Variants in ARHGEF3 observed in about 807,000 individuals in gnomAD.
ARHGEF3 encodes Rho guanine nucleotide exchange factor 3, also known as 59.8 kDA protein.
In ARHGEF3, 28 loss-of-function variants were observed where a neutral mutation model predicts 63.2. The ratio of observed to expected loss-of-function variants is 0.44; its 90% CI spans 0.33 to 0.61. ARHGEF3 has a LOEUF of 0.61. ARHGEF3 is among the 20% of genes least tolerant of loss of function. The pLI is 0.03. For missense variants in ARHGEF3, 533 were observed against 659.3 expected (o/e 0.81, Z 2.10); for synonymous variants, 266 against 254.2 (o/e 1.05, Z -0.44).
intron 6 of ARHGEF3, 72 bp downstream of exon 6, chr3:56,750,984 G>T (rs2034706508): frequency 9.4e-7 from 1 of 1,066,702 alleles, no homozygotes; most frequent in South Asian, 2.4e-5. Flanking sequence ...AATAAAAAAA[G>T]TCTAGCTAAA....
chr3:56,857,568 G>A (rs902964302), intron 4 of ARHGEF3, among the ~76,000 whole-genome samples: 4 of 152,184 alleles, frequency 2.6e-5, no homozygotes, highest in African/African-American at 9.7e-5. Context: ...CAGTCAATCA[G>A]GGATTGACCT....
chr3:56,846,939 G>T (rs935185308), intron 4 of ARHGEF3, among the ~76,000 whole-genome samples: 28 of 152,162 alleles, frequency 1.8e-4, no homozygotes, highest in African/African-American at 6.0e-4. Context: ...AGTTCTTACA[G>T]GATTTATTTA....
chr3:56,975,785 ACTGAGT>A, intron 2 of ARHGEF3: 2 of 430,150 alleles, frequency 4.6e-6, no homozygotes, highest in South Asian at 3.4e-5. Context: ...CAGAGCCAAT[ACTGAGT>A]TGGTTCTCTT....
intron 4 of ARHGEF3, among the ~76,000 whole-genome samples, chr3:56,851,913 G>A (rs1480332624): frequency 4.6e-5 from 7 of 152,114 alleles, no homozygotes; most frequent in South Asian, 2.1e-4. Context: ...CTGGTCTTAC[G>A]AACTTTACTT....
At chr3:57,014,178 G>A (rs1056827161) in intron 2 of ARHGEF3, among the ~76,000 whole-genome samples, 1 of 152,192 alleles carries the variant, frequency 6.6e-6, no homozygotes, top group African/African-American at 2.4e-5. Flanking sequence ...AAGCCAGCAA[G>A]ACCACGAACC....
intron 2 of ARHGEF3, among the ~76,000 whole-genome samples, chr3:56,987,645 A>G (rs1021037097): frequency 6.6e-6 from 1 of 152,128 alleles, no homozygotes; most frequent in Non-Finnish European, 1.5e-5. Flanking sequence ...GTCAAGCCCA[A>G]TCCTACATAA....
intron 1 of ARHGEF3, among the ~76,000 whole-genome samples, chr3:56,795,006 G>A (rs991549247): frequency 2.0e-5 from 3 of 149,382 alleles, no homozygotes; most frequent in Non-Finnish European, 3.0e-5. Context: ...CTACAGGTGT[G>A]TGTTACCACG....
At position 56,945,000 on chromosome 3, in the gene ARHGEF3, G is replaced by A. The variant is rs78419589; in HGVS notation, c.129+13823C>T. ...ATTGATAAAGCAAGCTGCAGGATCT[G>A]AGAGGAATGACTGCAATTTTGGAAG... is the stretch of plus-strand genomic sequence containing the variant. On this transcript the variant is annotated intron_variant, in intron 3 of 12. Transcript: ENST00000338458. Among the ~76,000 whole-genome samples the A allele has an allele frequency of 5.2e-3, 798 of 152,328 alleles. 7 individuals are homozygous for A. The highest frequency in any genetic ancestry group is 0.019 in the African/African-American group (776 of 41,572).
intron 3 of ARHGEF3, among the ~76,000 whole-genome samples, chr3:56,903,301 C>G (rs186017873): frequency 3.3e-5 from 5 of 152,268 alleles, no homozygotes; most frequent in South Asian, 2.1e-4. Flanking sequence ...GGCTCTCATA[C>G]AAGGCTAGAG....
At chr3:56,842,817 C>G (rs1357895935) in intron 4 of ARHGEF3, among the ~76,000 whole-genome samples, 1 of 152,212 alleles carries the variant, frequency 6.6e-6, no homozygotes, top group African/African-American at 2.4e-5. Context: ...AAAGCCCCAG[C>G]TGACACAGAA....
chr3:56,736,480 T>G (rs1234959685), intron 8 of ARHGEF3, among the ~76,000 whole-genome samples: 2 of 152,240 alleles, frequency 1.3e-5, no homozygotes, highest in Non-Finnish European at 2.9e-5. Flanking sequence ...AATGCCAGTC[T>G]GTGGATGGGT....
intron 1 of ARHGEF3, among the ~76,000 whole-genome samples, chr3:57,071,260 T>C (rs1705885072): frequency 6.6e-6 from 1 of 152,186 alleles, no homozygotes; most frequent in South Asian, 2.1e-4. Flanking sequence ...GATTTCCATA[T>C]GCAAAAAATG....
chr3:56,745,131 C>A, intron 7 of ARHGEF3, 74 bp downstream of exon 7: 1 of 1,532,214 alleles, frequency 6.5e-7, no homozygotes, highest in Non-Finnish European at 8.8e-7. Context: ...CTCTTCCATT[C>A]ACCCACTGAC....
intron 2 of ARHGEF3, among the ~76,000 whole-genome samples, chr3:56,959,687 C>T (rs1313902709): frequency 6.6e-6 from 1 of 152,062 alleles, no homozygotes; most frequent in African/African-American, 2.4e-5. Context: ...ACTGATGTAC[C>T]AAAAGGCTGG....
chr3:56,823,016 A>T (rs2038577276), intron 4 of ARHGEF3, among the ~76,000 whole-genome samples: 3 of 152,126 alleles, frequency 2.0e-5, no homozygotes, highest in Admixed American at 6.5e-5. Flanking sequence ...AAATATTGTA[A>T]ACCATCAGTC....
At chr3:57,048,326 A>G (rs1208483979) in intron 1 of ARHGEF3, among the ~76,000 whole-genome samples, 2 of 152,218 alleles carry the variant, frequency 1.3e-5, no homozygotes, top group African/African-American at 4.8e-5. Context: ...CCATTCTGCC[A>G]GCTGCTGAAC....
At chr3:56,847,354 A>G (rs933009615) in intron 4 of ARHGEF3, among the ~76,000 whole-genome samples, 3 of 152,166 alleles carry the variant, frequency 2.0e-5, no homozygotes, top group Non-Finnish European at 2.9e-5. Flanking sequence ...GCCTCATCTT[A>G]TACCTTCAAT....
At chr3:57,067,782 C>T (rs1308559791) in intron 1 of ARHGEF3, among the ~76,000 whole-genome samples, 1 of 150,164 alleles carries the variant, frequency 6.7e-6, no homozygotes, top group Non-Finnish European at 1.5e-5. Context: ...GAGATCGAGA[C>T]CATTGGCTAA....
chr3:56,971,065 G>C (rs1184579158), intron 2 of ARHGEF3, among the ~76,000 whole-genome samples: 1 of 152,172 alleles, frequency 6.6e-6, no homozygotes, highest in Non-Finnish European at 1.5e-5. Context: ...GGGACTATCT[G>C]GTTTAGACTC....
Sources: gnomAD v4.1 joint callset for allele counts (sites outside exome capture counted in the v4.1 genomes callset) on GRCh38, gnomAD v4.1.1 for gene constraint, MANE v1.5 for transcripts, NCBI Gene and HGNC (gene_info 2026-07-23, HGNC 2026-07-21) for gene names.